Variants in ITGAM observed in about 807,000 individuals in gnomAD.
The protein encoded by ITGAM is integrin alpha-M.
Under a neutral mutation model 137.5 loss-of-function variants are expected in ITGAM, and 79 were observed. The observed-to-expected ratio is 0.57, with a 90% confidence interval of 0.48 to 0.69. The LOEUF is 0.69. ITGAM is among the 30% of genes least tolerant of loss of function. The probability of loss-of-function intolerance (pLI) is 0.00; values close to 1 mark genes in which losing one functional copy is unlikely to be tolerated. For synonymous variants in ITGAM, 583 were observed against 592.3 expected, an observed-to-expected ratio of 0.98 and a Z score of 0.23; for missense variants, 1,343 against 1,483.5, an observed-to-expected ratio of 0.91 and a Z score of 1.56.
intron 6 of ITGAM, among the ~76,000 whole-genome samples, 199 bp from the exon 7 acceptor site, chr16:31,271,648 C>T (rs560387276): frequency 1.3e-5 from 2 of 152,324 alleles, no homozygotes; most frequent in South Asian, 2.1e-4. Context: ...CCACTGCTCC[C>T]GGCCGCTGGC....
intron 12 of ITGAM, among the ~76,000 whole-genome samples, chr16:31,285,260 AC>A (rs35832972): frequency 6.6e-6 from 1 of 152,090 alleles, no homozygotes. Context: ...CTTTAACCAG[AC>A]CCAGGGTGCA....
chr16:31,283,364 C>T (rs187547590), intron 12 of ITGAM, among the ~76,000 whole-genome samples: 215 of 152,278 alleles, frequency 1.4e-3, no homozygotes, highest in African/African-American at 4.9e-3. Flanking sequence ...ACCAATCAGA[C>T]GTAGATTTGG....
intron 23 of ITGAM, among the ~76,000 whole-genome samples, chr16:31,328,818 A>T (rs1476593077): frequency 8.0e-6 from 1 of 124,992 alleles, no homozygotes. Context: ...GTCTATGTGC[A>T]TGTGTGTGCG....
Position 31,330,620 on chromosome 16 carries a change from C to A in ITGAM, c.3276+15C>A. The A allele has an allele frequency of 6.4e-7, 1 of 1,569,548 alleles. No homozygotes were observed. The highest frequency in any genetic ancestry group is 8.7e-7 in the Non-Finnish European group (1 of 1,152,298). On this transcript the variant is annotated intron_variant, in intron 28 of 29. Coordinates refer to ENST00000544665, the MANE Select transcript of ITGAM (RefSeq NM_000632.4). Reference sequence around the variant, plus strand: ...TGAGGTCCCAGGTACCTGTCTTGGGCGCTGAGGAACTATTGGAGGGAGAGG... The same window carrying A: ...TGAGGTCCCAGGTACCTGTCTTGGGAGCTGAGGAACTATTGGAGGGAGAGG...
chr16:31,318,390 C>A (rs1597031956), intron 14 of ITGAM, among the ~76,000 whole-genome samples: 1 of 144,490 alleles, frequency 6.9e-6, no homozygotes, highest in East Asian at 2.0e-4. Flanking sequence ...GTTGCCCAGG[C>A]TGGAGTGCAG....
Position 31,297,911 on chromosome 16 carries a change from TTCACGGAACC to T in ITGAM, c.1668_1677del (p.His556GlnfsTer13). Reference sequence around the variant, plus strand: ...GACAACCGGGGTGCTGTTTACCTGTTTCACGGAACCTCAGGATCTGGCATCAGCCCCTCCC... The same window carrying T: ...GACAACCGGGGTGCTGTTTACCTGTTTCAGGATCTGGCATCAGCCCCTCCC... On this transcript the variant is annotated frameshift_variant, in exon 14 of 30. Transcript: ENST00000544665. LOFTEE classifies it high-confidence loss of function. 7 of 1,613,796 alleles carry T rather than the reference TTCACGGAACC, an allele frequency of 4.3e-6. No individual in the cohort carries two copies. Among genetic ancestry groups the T allele is most frequent in the Non-Finnish European group, 5.1e-6 (6 of 1,179,922 alleles).
chr16:31,277,080 A>G (rs1374506933), intron 11 of ITGAM, 31 bp downstream of exon 11: 6 of 1,585,062 alleles, frequency 3.8e-6, no homozygotes, highest in Middle Eastern at 1.7e-4. Flanking sequence ...TTACTCTAAG[A>G]AGGGGTGAGG....
intron 2 of ITGAM, among the ~76,000 whole-genome samples, chr16:31,262,410 T>G (rs1400749632): frequency 6.7e-6 from 1 of 149,286 alleles, no homozygotes; most frequent in Non-Finnish European, 1.5e-5. Context: ...CTTCATTTCT[T>G]TCTTTCCTTT....
rs1384088367 is a variant in ITGAM, at chr16:31,332,485, A to G, written c.*778A>G. On this transcript the variant is annotated 3_prime_UTR_variant, in exon 30 of 30. Coordinates refer to ENST00000544665, the MANE Select transcript of ITGAM (RefSeq NM_000632.4). ...CAAAAATCACAAGGCATTCAAGTGT[A>G]CAGTGAAAAGTCTCCCTTTCCAGAT... 1 of 152,274 alleles carries G rather than the reference A, an allele frequency of 6.6e-6. No homozygotes were observed. Among genetic ancestry groups the G allele is most frequent in the Non-Finnish European group, 1.5e-5 (1 of 68,042 alleles). 9.4% of individuals were successfully genotyped at this position (152,274 alleles called of 1,614,324 possible). A position where few individuals can be genotyped will look rare whatever the true frequency, so the allele number is the denominator to read the frequency against.
At chr16:31,279,682 G>C (rs1030352372) in intron 12 of ITGAM, among the ~76,000 whole-genome samples, 2 of 152,210 alleles carry the variant, frequency 1.3e-5, no homozygotes, top group African/African-American at 4.8e-5. Flanking sequence ...CTCCCATTCT[G>C]TAGGTGGCCT....
At chr16:31,325,441 C>T (rs758066371) in intron 20 of ITGAM, 37 bp downstream of exon 20, 2 of 1,612,566 alleles carry the variant, frequency 1.2e-6, no homozygotes, top group Non-Finnish European at 1.7e-6. Flanking sequence ...CTGACCTTTG[C>T]TTCCCCATCC....
In ITGAM at chr16:31,297,831, G is replaced by A. The variant is rs756150459; in HGVS notation, c.1584G>A (p.Gly528=). 3.1e-6 allele frequency: 5 copies of A among 1,613,914 alleles called. No homozygotes were observed. In the South Asian group the frequency reaches 5.5e-5, roughly 18 times the overall value. ...TTGGGGCAGCCCTAACAGTGCTGGG[G>A]GACGTAAATGGGGACAAGCTGACGG... ...GRFGAALTVL[G]DVNGDKLTDV... Residue 528 remains glycine (G), a synonymous_variant, in exon 14 of 30, where the codon GGG becomes GGA. Coordinates refer to ENST00000544665, the MANE Select transcript of ITGAM (RefSeq NM_000632.4).
chr16:31,277,928 G>A, intron 11 of ITGAM, 39 bp from the exon 12 acceptor site: 1 of 1,552,208 alleles, frequency 6.4e-7, no homozygotes, highest in South Asian at 1.2e-5. Flanking sequence ...GGAGGAGGGG[G>A]CAGGGAATGC....
intron 14 of ITGAM, among the ~76,000 whole-genome samples, chr16:31,321,038 G>A (rs541126788): frequency 1.3e-5 from 2 of 152,206 alleles, no homozygotes; most frequent in Admixed American, 6.5e-5. Flanking sequence ...AAAAGAAATT[G>A]TAGGTATCCT....
Position 31,265,847 on chromosome 16 carries a change from C to G in ITGAM, c.275C>G (p.Ser92Cys), listed in dbSNP as rs780260345. 4 of 1,613,920 alleles carry G rather than the reference C, an allele frequency of 2.5e-6. No individual in the cohort carries two copies. The highest frequency in any genetic ancestry group is 3.4e-6 in the Non-Finnish European group (4 of 1,179,984). The change falls in exon 4 of 30, where the codon TCC becomes TGC. Residue 92 changes from serine to cysteine, a missense_variant. By Grantham distance (112) the Ser-to-Cys change is moderately radical (BLOSUM62 -1). Coordinates refer to ENST00000544665, the MANE Select transcript of ITGAM (RefSeq NM_000632.4). ...VEAVNMSLGL[S>C]LAATTSPPQL... ...GCCGTGAACATGTCCCTGGGCCTGTCCCTGGCAGCCACCACCAGCCCCCCT... is the reference window on the plus strand; with the variant it reads ...GCCGTGAACATGTCCCTGGGCCTGTGCCTGGCAGCCACCACCAGCCCCCCT...
In ITGAM at chr16:31,324,921, T is replaced by C; in HGVS notation, c.2290-37T>C. ...TTAATTTCACAATACTTGGTTATTT[T>C]CTTTCCTTTCATTTGATCATATTTA... On this transcript the variant is annotated intron_variant, in intron 18 of 29. Transcript: ENST00000544665. This position sits in a 1 kb window ranked among gnomAD's most constrained non-coding sequence, Gnocchi z 4.5. 1 of 1,570,388 alleles carries C rather than the reference T, an allele frequency of 6.4e-7. No individual in the cohort carries two copies. The highest frequency in any genetic ancestry group is 8.7e-7 in the Non-Finnish European group (1 of 1,155,096).
intron 26 of ITGAM, 29 bp downstream of exon 26, chr16:31,330,193 C>T: frequency 6.2e-7 from 1 of 1,606,610 alleles, no homozygotes; most frequent in African/African-American, 1.3e-5. Context: ...CCCAGGGCCA[C>T]ACAGAGACCC....
intron 20 of ITGAM, 21 bp from the exon 21 acceptor site, chr16:31,325,479 T>A: frequency 6.2e-7 from 1 of 1,613,788 alleles, no homozygotes; most frequent in Non-Finnish European, 8.5e-7. Flanking sequence ...TATCACCGCC[T>A]TTGCCTCCCC....
chr16:31,267,280 G>A (rs958627068), intron 5 of ITGAM, among the ~76,000 whole-genome samples: 2 of 152,014 alleles, frequency 1.3e-5, no homozygotes, highest in Admixed American at 6.6e-5. Flanking sequence ...TGGGACCACA[G>A]GCGAATGTTT....
Sources: gnomAD v4.1 joint callset for allele counts (sites outside exome capture counted in the v4.1 genomes callset) on GRCh38, gnomAD v4.1.1 for gene constraint, Gnocchi (gnomAD v3.1) non-coding constraint, MANE v1.5 for transcripts, NCBI Gene and HGNC (gene_info 2026-07-23, HGNC 2026-07-21) for gene names.